Variants in CHRM3 observed in about 807,000 individuals in gnomAD.
The protein encoded by CHRM3 is cholinergic receptor muscarinic 3, also known as muscarinic acetylcholine receptor M3.
Under a neutral mutation model 41.8 loss-of-function variants are expected in CHRM3, and 11 were observed. The ratio of observed to expected loss-of-function variants is 0.26; its 90% CI spans 0.17 to 0.44. CHRM3 has a LOEUF of 0.44. CHRM3 is among the 20% of genes least tolerant of loss of function. The pLI, the probability that CHRM3 is intolerant of heterozygous loss-of-function variation, is 1.00. For synonymous variants in CHRM3, 297 were observed against 301.4 expected, an observed-to-expected ratio of 0.99 and a Z score of 0.15; for missense variants, 571 against 745.4, an observed-to-expected ratio of 0.77 and a Z score of 2.72.
intron 3 of CHRM3, among the ~76,000 whole-genome samples, chr1:239,551,705 C>A (rs1288545836): frequency 3.3e-5 from 5 of 152,228 alleles, no homozygotes; most frequent in African/African-American, 1.2e-4. Flanking sequence ...ACACATGACG[C>A]CCATCTTTGT....
intron 4 of CHRM3, among the ~76,000 whole-genome samples, chr1:239,658,220 T>C (rs1191091339): frequency 2.0e-5 from 3 of 152,192 alleles, no homozygotes; most frequent in African/African-American, 7.2e-5. Flanking sequence ...TTTACTATCA[T>C]AAAACAAATC....
chr1:239,793,948 G>T (rs560159629), intron 5 of CHRM3, among the ~76,000 whole-genome samples: 39 of 151,080 alleles, frequency 2.6e-4, no homozygotes, highest in African/African-American at 8.0e-4. Flanking sequence ...AAATAGCTGG[G>T]ACTAACAGGT....
intron 3 of CHRM3, among the ~76,000 whole-genome samples, chr1:239,597,858 GT>G (rs35067421): frequency 3.5e-4 from 42 of 120,868 alleles, no homozygotes; most frequent in African/African-American, 8.8e-4. Flanking sequence ...AACTGTCAGA[GT>G]TTTTTTTTTT....
At chr1:239,483,543 T>C (rs1427157485) in intron 1 of CHRM3, among the ~76,000 whole-genome samples, 3 of 152,240 alleles carry the variant, frequency 2.0e-5, no homozygotes, top group Non-Finnish European at 4.4e-5. Context: ...CAAGGCTTTT[T>C]CAACTGTGAA....
rs1056537017 is a variant in CHRM3 at position 239,850,642 on chromosome 1, C to T, written c.-20+23264C>T. Among the ~76,000 whole-genome samples the T allele has an allele frequency of 7.9e-5, 12 of 152,236 alleles. No individual in the cohort carries two copies. The East Asian group carries it at 1.7e-3, about 22-fold the overall frequency. ...CTTGAATCGTAATCCCCACGTGTTTCGGGAGGGACCTCCTGGGAGGTAGTT... is the reference window on the plus strand; with the variant it reads ...CTTGAATCGTAATCCCCACGTGTTTTGGGAGGGACCTCCTGGGAGGTAGTT... On this transcript the variant is annotated intron_variant, in intron 6 of 6. Transcript: ENST00000676153.
chr1:239,393,225 G>C (rs1405551244), intron 1 of CHRM3, among the ~76,000 whole-genome samples: 1 of 152,100 alleles, frequency 6.6e-6, no homozygotes, highest in Non-Finnish European at 1.5e-5. Context: ...ATATTGTTGG[G>C]TTTTTGGCTT....
Position 239,907,513 on chromosome 1 carries a change from T to C in CHRM3, c.62T>C (p.Ile21Thr). Residue 21 changes from isoleucine (I) to threonine (T), a missense_variant, in exon 7 of 7, where the codon ATA (isoleucine) becomes ACA (threonine). Transcript: ENST00000676153. This position sits in a 1 kb window ranked among gnomAD's most constrained non-coding sequence, Gnocchi z 5.4. ...PLFPNISSSW[I>T]HSPSDAGLPP... ...TTTCCAAACATCAGCTCCTCCTGGATACACAGCCCCTCCGATGCAGGGCTG... is the reference window on the plus strand; with the variant it reads ...TTTCCAAACATCAGCTCCTCCTGGACACACAGCCCCTCCGATGCAGGGCTG... 1 of 1,614,192 alleles carries C rather than the reference T, an allele frequency of 6.2e-7. No individual in the cohort carries two copies. The highest frequency in any genetic ancestry group is 8.5e-7 in the Non-Finnish European group (1 of 1,180,030).
chr1:239,568,131 G>T (rs1469711001), intron 3 of CHRM3, among the ~76,000 whole-genome samples: 1 of 152,126 alleles, frequency 6.6e-6, no homozygotes, highest in Admixed American at 6.6e-5. Context: ...GTTTCATATG[G>T]TGGCTATCCT....
chr1:239,857,069 A>G (rs1446224394), intron 6 of CHRM3, among the ~76,000 whole-genome samples: 1 of 152,218 alleles, frequency 6.6e-6, no homozygotes, highest in Non-Finnish European at 1.5e-5. Flanking sequence ...CCTGAAAACA[A>G]GCAGCATTCA....
chr1:239,431,392 A>C (rs72754670), intron 1 of CHRM3, among the ~76,000 whole-genome samples: 11 of 152,354 alleles, frequency 7.2e-5, no homozygotes, highest in African/African-American at 2.6e-4. Flanking sequence ...GCCTGAGGAT[A>C]TAACTACACA....
chr1:239,878,818 G>A (rs767531889), intron 6 of CHRM3, among the ~76,000 whole-genome samples: 3 of 152,134 alleles, frequency 2.0e-5, no homozygotes, highest in East Asian at 1.9e-4. Flanking sequence ...TCATTGCCAC[G>A]TGAGGGTACA....
At chr1:239,673,910 CAAATCTAAAACACTCCA>C (rs1026330280) in intron 4 of CHRM3, among the ~76,000 whole-genome samples, 8 of 152,152 alleles carry the variant, frequency 5.3e-5, no homozygotes, top group African/African-American at 1.7e-4. Flanking sequence ...TAAAACACTC[CAAATCTAAAACACTCCA>C]AAATCTAAAA....
chr1:239,782,640 C>A (rs1410894348), intron 5 of CHRM3, among the ~76,000 whole-genome samples: 1 of 151,906 alleles, frequency 6.6e-6, no homozygotes, highest in East Asian at 1.9e-4. Context: ...ATTATTATTT[C>A]TTTTCTATCT....
intron 2 of CHRM3, among the ~76,000 whole-genome samples, chr1:239,515,943 C>T (rs985947167): frequency 2.6e-5 from 4 of 152,170 alleles, no homozygotes; most frequent in Non-Finnish European, 4.4e-5. Flanking sequence ...CTTCTGGCTT[C>T]GTTGTTGAAT....
At chr1:239,729,605 C>G (rs1231472918) in intron 5 of CHRM3, among the ~76,000 whole-genome samples, 1 of 151,864 alleles carries the variant, frequency 6.6e-6, no homozygotes, top group African/African-American at 2.4e-5. Flanking sequence ...AGCTGGACAA[C>G]TTCATAATAG....
intron 5 of CHRM3, among the ~76,000 whole-genome samples, chr1:239,815,206 G>T (rs1217544961): frequency 6.6e-6 from 1 of 152,180 alleles, no homozygotes; most frequent in Non-Finnish European, 1.5e-5. Context: ...AGTTGAGAGG[G>T]ATTTATCAGT....
chr1:239,780,445 G>A (rs1479656404), intron 5 of CHRM3, among the ~76,000 whole-genome samples: 1 of 152,100 alleles, frequency 6.6e-6, no homozygotes, highest in Non-Finnish European at 1.5e-5. Context: ...GTCTGTTCAG[G>A]CTTTGACCAT....
chr1:239,618,273 CTTTCTTTTT>C (rs1667867228), intron 3 of CHRM3, among the ~76,000 whole-genome samples: 1 of 113,048 alleles, frequency 8.8e-6, no homozygotes, highest in African/African-American at 3.9e-5. Flanking sequence ...CTTTTTTTTT[CTTTCTTTTT>C]TTTTTTTTTT....
At position 239,842,477 on chromosome 1, in the gene CHRM3, C is replaced by T. The variant is rs181174158; in HGVS notation, c.-20+15099C>T. ...CTCGAACTCCTGACATCAGGTGATC[C>T]GCCTGCCTTGGCCTCCCAAAGTGTT... On this transcript the variant is annotated intron_variant, in intron 6 of 6. Coordinates refer to ENST00000676153, the MANE Select transcript of CHRM3 (RefSeq NM_001375978.1). 5.4e-3 allele frequency among the ~76,000 whole-genome samples: 823 copies of T among 152,224 alleles called. 4 individuals are homozygous for T. The highest frequency in any genetic ancestry group is 8.0e-3 in the Non-Finnish European group (544 of 68,016).
Sources: allele counts gnomAD v4.1 joint callset (sites outside exome capture counted in the v4.1 genomes callset), GRCh38; gene constraint gnomAD v4.1.1; non-coding constraint Gnocchi (gnomAD v3.1); transcripts MANE v1.5; gene names NCBI Gene and HGNC (gene_info 2026-07-23, HGNC 2026-07-21).